PREX2: variants seen among roughly 807,000 people sequenced by gnomAD.
The protein encoded by PREX2 is phosphatidylinositol 3,4,5-trisphosphate-dependent Rac exchanger 2 protein.
PREX2 carries 107 observed loss-of-function variants against 203.2 expected under a neutral mutation model. The observed-to-expected ratio is 0.53, with a 90% CI of 0.45 to 0.62. PREX2 has a LOEUF of 0.62. Ranked by LOEUF, PREX2 falls within the 20% of genes least tolerant of loss-of-function variation. PREX2 has a pLI of 0.00. For missense variants in PREX2, 1,777 were observed against 1,955.9 expected, an observed-to-expected ratio of 0.91 and a Z score of 1.72; for synonymous variants, 672 against 663.6, an observed-to-expected ratio of 1.01 and a Z score of -0.19.
chr8:68,170,736 C>G (rs1194141168), intron 35 of PREX2, among the ~76,000 whole-genome samples: 1 of 152,044 alleles, frequency 6.6e-6, no homozygotes, highest in African/African-American at 2.4e-5. Context: ...CCATTCTCAC[C>G]CTGTTTTGTT....
intron 1 of PREX2, among the ~76,000 whole-genome samples, chr8:68,006,501 C>T (rs375409405): frequency 1.4e-4 from 21 of 152,142 alleles, no homozygotes; most frequent in African/African-American, 4.6e-4. Context: ...AAGCAGCATC[C>T]GTCAGGGTCA....
intron 35 of PREX2, among the ~76,000 whole-genome samples, chr8:68,191,461 C>T (rs1296101961): frequency 6.6e-6 from 1 of 152,102 alleles, no homozygotes; most frequent in African/African-American, 2.4e-5. Flanking sequence ...CTAATGCTTT[C>T]CTCAAATTAT....
At chr8:68,213,250 G>A (rs928099482) in intron 37 of PREX2, among the ~76,000 whole-genome samples, 6 of 152,200 alleles carry the variant, frequency 3.9e-5, no homozygotes, top group African/African-American at 1.4e-4. Flanking sequence ...CAACATGACA[G>A]AAGGAAGCTG....
At chr8:68,054,012 T>C (rs1472680503) in intron 9 of PREX2, among the ~76,000 whole-genome samples, 1 of 152,210 alleles carries the variant, frequency 6.6e-6, no homozygotes, top group African/African-American at 2.4e-5. Flanking sequence ...AGCATGACAT[T>C]GTTGATTACT....
chr8:68,020,333 CAAAA>C (rs67292795), intron 3 of PREX2, among the ~76,000 whole-genome samples: 4 of 106,104 alleles, frequency 3.8e-5, no homozygotes, highest in African/African-American at 6.4e-5. Flanking sequence ...GCATTCACAC[CAAAA>C]AAAAAAAAAA....
intron 6 of PREX2, among the ~76,000 whole-genome samples, chr8:68,036,620 A>G (rs1808040871): frequency 6.6e-6 from 1 of 152,028 alleles, no homozygotes; most frequent in Non-Finnish European, 1.5e-5. Context: ...CCAAATCTTC[A>G]TTTGTATATC....
intron 34 of PREX2, among the ~76,000 whole-genome samples, chr8:68,153,440 A>G (rs960760846): frequency 2.6e-5 from 4 of 152,174 alleles, no homozygotes; most frequent in Non-Finnish European, 5.9e-5. Flanking sequence ...TTTGCTGACT[A>G]CCTAAATTTA....
chr8:68,029,992 A>T (rs1391733815), intron 5 of PREX2, among the ~76,000 whole-genome samples: 1 of 152,132 alleles, frequency 6.6e-6, no homozygotes, highest in Non-Finnish European at 1.5e-5. Context: ...GTTTTAAATT[A>T]CCTTGTTGTA....
chr8:68,137,806 C>A (rs1272838150), intron 32 of PREX2, among the ~76,000 whole-genome samples: 1 of 151,964 alleles, frequency 6.6e-6, no homozygotes, highest in Admixed American at 6.6e-5. Flanking sequence ...AAGAATGAGA[C>A]GAATGATTAA....
chr8:68,150,262 G>A (rs1217300480), intron 34 of PREX2, among the ~76,000 whole-genome samples: 1 of 152,174 alleles, frequency 6.6e-6, no homozygotes. Context: ...CTTTCTGGAT[G>A]GGGGAGGGGA....
chr8:68,028,160 T>G (rs1807785406), intron 5 of PREX2, among the ~76,000 whole-genome samples: 1 of 152,004 alleles, frequency 6.6e-6, no homozygotes, highest in Non-Finnish European at 1.5e-5. Context: ...ATGATGATGA[T>G]GAATTTATAG....
rs1813194439 is a variant in PREX2 at position 68,232,911 on chromosome 8, C to G, written c.*1533C>G. Reference sequence around the variant, plus strand: ...AGGATTACAGGCGTGAGCCGCTGCTCCCGGCCCATTATTAAATTTTAATTT... The same window carrying G: ...AGGATTACAGGCGTGAGCCGCTGCTGCCGGCCCATTATTAAATTTTAATTT... On this transcript the variant is annotated 3_prime_UTR_variant, in exon 40 of 40. Coordinates refer to ENST00000288368, the MANE Select transcript of PREX2 (RefSeq NM_024870.4). 6.6e-6 allele frequency: 1 copy of G among 152,222 alleles called. No homozygotes were observed. The highest frequency in any genetic ancestry group is 2.1e-4 in the South Asian group (1 of 4,832). The allele number at this position is 152,222 out of a possible 1,614,324, so 9.4% of individuals were successfully genotyped here.
chr8:68,158,488 A>G (rs60306217), intron 35 of PREX2, among the ~76,000 whole-genome samples: 2,718 of 152,216 alleles, frequency 0.018, 94 homozygotes, highest in African/African-American at 0.062. Context: ...TTTAAAGGAA[A>G]AAATGGGAGA....
chr8:68,120,336 G>A (rs754196439), intron 29 of PREX2, 50 bp downstream of exon 29: 11 of 1,272,032 alleles, frequency 8.6e-6, no homozygotes, highest in Non-Finnish European at 1.3e-5. Context: ...AAACAAGGTG[G>A]TAGACAATAT....
chr8:68,235,449 C>CAT lies in PREX2; in HGVS notation c.*4079_*4080dup, dbSNP rs1277403635. 16 of 152,208 alleles carry CAT rather than the reference C, an allele frequency of 1.1e-4. No individual in the cohort carries two copies. In the South Asian group the frequency reaches 3.1e-3, roughly 30 times the overall value. 9.4% of individuals were successfully genotyped at this position (152,208 alleles called of 1,614,324 possible). On this transcript the variant is annotated 3_prime_UTR_variant, in exon 40 of 40. Coordinates refer to ENST00000288368, the MANE Select transcript of PREX2 (RefSeq NM_024870.4). ...TCTCATAGCAGTAATTTCATTAACACATATATATACTAACCAATTTGCTAA... is the reference window on the plus strand; with the variant it reads ...TCTCATAGCAGTAATTTCATTAACACATATATATATACTAACCAATTTGCTAA...
intron 8 of PREX2, among the ~76,000 whole-genome samples, chr8:68,047,268 T>C (rs551793974): frequency 6.6e-6 from 1 of 151,858 alleles, no homozygotes; most frequent in East Asian, 1.9e-4. Context: ...GTCTGCTATA[T>C]TTTTTACTTT....
chr8:68,226,540 T>A (rs890174218), intron 39 of PREX2, among the ~76,000 whole-genome samples: 1 of 152,228 alleles, frequency 6.6e-6, no homozygotes, highest in Non-Finnish European at 1.5e-5. Context: ...AAGTTTGCTA[T>A]CTCTGTCTGA....
At chr8:68,159,067 G>T (rs1199619371) in intron 35 of PREX2, among the ~76,000 whole-genome samples, 1 of 152,126 alleles carries the variant, frequency 6.6e-6, no homozygotes, top group Admixed American at 6.5e-5. Flanking sequence ...CAGCAACAAA[G>T]ACAGAACTAT....
chr8:68,107,802 G>A (rs887635185), intron 23 of PREX2, among the ~76,000 whole-genome samples: 1 of 152,182 alleles, frequency 6.6e-6, no homozygotes, highest in Non-Finnish European at 1.5e-5. Context: ...CAGCTGCTGG[G>A]AGCCTGTGGA....
Sources: allele counts gnomAD v4.1 joint callset (sites outside exome capture counted in the v4.1 genomes callset), GRCh38; gene constraint gnomAD v4.1.1; transcripts MANE v1.5; gene names NCBI Gene and HGNC (gene_info 2026-07-23, HGNC 2026-07-21).